MYO9A: variants seen among roughly 807,000 people sequenced by gnomAD.
The protein encoded by MYO9A is myosin IXA.
Under a neutral mutation model 293.3 loss-of-function variants are expected in MYO9A, and 103 were observed. The ratio of observed to expected loss-of-function variants is 0.35; its 90% CI spans 0.30 to 0.41. The LOEUF (loss-of-function observed/expected upper bound fraction) is 0.41, where lower values mean the gene tolerates loss of function less well. Ranked by LOEUF, MYO9A falls within the 10% of genes least tolerant of loss-of-function variation. The probability of loss-of-function intolerance (pLI) is 1.00; values close to 1 mark genes in which losing one functional copy is unlikely to be tolerated. For synonymous variants in MYO9A, 1,001 were observed against 1,035.7 expected (o/e 0.97, Z 0.64); for missense variants, 2,685 against 3,033.0 (o/e 0.89, Z 2.69).
chr15:71,907,344 T>C (rs2057693542), intron 19 of MYO9A, among the ~76,000 whole-genome samples: 1 of 145,232 alleles, frequency 6.9e-6, no homozygotes, highest in African/African-American at 2.6e-5. Flanking sequence ...AGTCTATCAT[T>C]GTTGGACATT....
intron 11 of MYO9A, among the ~76,000 whole-genome samples, chr15:71,982,483 C>A (rs2076300536): frequency 6.6e-6 from 1 of 152,030 alleles, no homozygotes; most frequent in African/African-American, 2.4e-5. Context: ...TTGTAAATAT[C>A]CCACGCAAAC....
intron 1 of MYO9A, among the ~76,000 whole-genome samples, chr15:72,083,507 C>T (rs1162282181): frequency 6.6e-6 from 1 of 152,158 alleles, no homozygotes; most frequent in Non-Finnish European, 1.5e-5. Context: ...AATCTCCTGC[C>T]ATTCAGCTTT....
At chr15:71,957,331 G>A (rs1251486432) in intron 14 of MYO9A, among the ~76,000 whole-genome samples, 1 of 151,976 alleles carries the variant, frequency 6.6e-6, no homozygotes, top group Non-Finnish European at 1.5e-5. Context: ...TTCTGACAAA[G>A]TTGTTTTGAC....
chr15:71,823,060 C>T lies in MYO9A; in HGVS notation c.*3520G>A, dbSNP rs1014500630. 6.6e-6 allele frequency: 1 copy of T among 151,924 alleles called. No individual in the cohort carries two copies. Among genetic ancestry groups the T allele is most frequent in the East Asian group, 1.9e-4 (1 of 5,184 alleles). The allele number at this position is 151,924 out of a possible 1,614,324, so 9.4% of individuals were successfully genotyped here. The stretch of plus-strand genomic sequence containing the variant: ...GGTGGACATAACACATTTGTCCATA[C>T]AGAATGATGCATGCCCCGCATCCAG... On this transcript the variant is annotated 3_prime_UTR_variant, in exon 42 of 42. Transcript: ENST00000356056.
intron 30 of MYO9A, among the ~76,000 whole-genome samples, chr15:71,878,828 C>A (rs1031738303): frequency 6.7e-6 from 1 of 148,882 alleles, no homozygotes; most frequent in South Asian, 2.1e-4. Flanking sequence ...CTCACTGCAA[C>A]CTCCACCTCA....
chr15:71,978,050 A>T, intron 12 of MYO9A, 121 bp downstream of exon 12: 1 of 1,168,840 alleles, frequency 8.6e-7, no homozygotes, highest in South Asian at 1.4e-5. Flanking sequence ...AATAAATAAA[A>T]AAATAAATTG....
At chr15:72,101,338 C>G (rs1393524045) in intron 1 of MYO9A, among the ~76,000 whole-genome samples, 104 of 78,134 alleles carry the variant, frequency 1.3e-3, no homozygotes, top group Non-Finnish European at 2.0e-3. Flanking sequence ...GGAGGGAGGT[C>G]GGGGCGTCAG....
At chr15:72,077,619 G>T (rs919747619) in intron 1 of MYO9A, among the ~76,000 whole-genome samples, 2 of 151,370 alleles carry the variant, frequency 1.3e-5, no homozygotes, top group Admixed American at 1.3e-4. Flanking sequence ...TTGAACCGGG[G>T]TGACGGCAGG....
chr15:72,110,689 T>C (rs1405673587), intron 1 of MYO9A, among the ~76,000 whole-genome samples: 1 of 152,070 alleles, frequency 6.6e-6, no homozygotes, highest in East Asian at 1.9e-4. Flanking sequence ...AAGCATTTCT[T>C]TGCAGTATTT....
In MYO9A at chr15:71,959,926, C is replaced by T. The variant is rs202198484; in HGVS notation, c.2157G>A (p.Gly719=). The change falls in exon 14 of 42, where the codon GGG becomes GGA. Residue 719 remains glycine (G), a synonymous_variant. Transcript: ENST00000356056. ...FRAMVAFREA[G]KRNIHRKTGH... is the part of the protein sequence containing the mutation. ...CAGTTTTTCTGTGAATGTTTCTTTT[C>T]CCAGCTTCCCTGAAAGCAACCATGG... The T allele has an allele frequency of 1.7e-5, 27 of 1,612,574 alleles. No individual in the cohort carries two copies. Among genetic ancestry groups the T allele is most frequent in the South Asian group, 4.4e-5 (4 of 91,042 alleles).
chr15:72,034,430 T>C (rs573376734), intron 2 of MYO9A, among the ~76,000 whole-genome samples: 1 of 152,322 alleles, frequency 6.6e-6, no homozygotes, highest in East Asian at 1.9e-4. Flanking sequence ...CAAAGATTCA[T>C]AAAAATCTCC....
intron 1 of MYO9A, among the ~76,000 whole-genome samples, chr15:72,109,346 T>C (rs982219113): frequency 6.7e-6 from 1 of 149,216 alleles, no homozygotes; most frequent in Non-Finnish European, 1.5e-5. Context: ...GCCAAGATCA[T>C]GCCACTGCAC....
At chr15:72,074,395 G>C (rs536811679) in intron 1 of MYO9A, among the ~76,000 whole-genome samples, 1 of 151,882 alleles carries the variant, frequency 6.6e-6, no homozygotes. Context: ...ACTCATCGGA[G>C]AGCTGAGAAT....
chr15:71,885,258 T>C (rs1309785926), intron 27 of MYO9A, among the ~76,000 whole-genome samples: 1 of 152,134 alleles, frequency 6.6e-6, no homozygotes, highest in Non-Finnish European at 1.5e-5. Context: ...TTTAGTTAGA[T>C]CAATATTCAG....
intron 34 of MYO9A, 79 bp downstream of exon 34, chr15:71,859,656 A>G: frequency 1.7e-6 from 2 of 1,167,718 alleles, no homozygotes; most frequent in Admixed American, 3.9e-5. Context: ...AAACTATCAA[A>G]AAGGCCTTAA....
At chr15:71,878,740 ATTTTTTTT>A (rs200866619) in intron 30 of MYO9A, among the ~76,000 whole-genome samples, 10 of 108,646 alleles carry the variant, frequency 9.2e-5, no homozygotes, top group South Asian at 9.2e-4. Flanking sequence ...GAGATCTGGA[ATTTTTTTT>A]TTTTTTTTTT....
intron 8 of MYO9A, among the ~76,000 whole-genome samples, chr15:72,003,929 T>C (rs1323514107): frequency 1.3e-5 from 2 of 152,268 alleles, no homozygotes; most frequent in Admixed American, 6.5e-5. Flanking sequence ...ATCCTTCTAA[T>C]TGCAGAAAAA....
intron 39 of MYO9A, among the ~76,000 whole-genome samples, chr15:71,847,649 C>G (rs2055446638): frequency 6.6e-6 from 1 of 152,236 alleles, no homozygotes; most frequent in Admixed American, 6.5e-5. Flanking sequence ...CTCTTCCCTT[C>G]CTGCCTGGAT....
At position 71,916,459 on chromosome 15, in the gene MYO9A, T is replaced by A. The variant is rs2144764442; in HGVS notation, c.2596A>T (p.Thr866Ser). The change falls in exon 19 of 42, where the codon ACA (threonine) becomes TCA (serine). Residue 866 changes from threonine (T) to serine (S), a missense_variant. Physicochemically the swap from Thr to Ser is moderately conservative, Grantham distance 58 (BLOSUM62 1). Around this residue, in one of 10 missense-constraint regions of MYO9A, gnomAD observed 1,434 missense variants for 1,497.7 expected, o/e 0.96. Coordinates refer to ENST00000356056, the MANE Select transcript of MYO9A (RefSeq NM_006901.4). ...LLEVNSLKHL[T>S]RLTLQDRITK... is the part of the protein sequence containing the mutation. ...ATGCGATCTTGTAGTGTCAGTCTTG[T>A]CAGGTGCTTTAAAGAATTTACTTCT... 6.2e-7 allele frequency: 1 copy of A among 1,612,052 alleles called. No individual in the cohort carries two copies. Among genetic ancestry groups the A allele is most frequent in the Non-Finnish European group, 8.5e-7 (1 of 1,179,422 alleles).
Sources: allele counts gnomAD v4.1 joint callset (sites outside exome capture counted in the v4.1 genomes callset), GRCh38; gene constraint gnomAD v4.1.1; regional missense constraint gnomAD v4.1.1; transcripts MANE v1.5; gene names NCBI Gene and HGNC (gene_info 2026-07-23, HGNC 2026-07-21).